SPOCK3: variants seen among roughly 807,000 people sequenced by gnomAD.
SPOCK3 encodes the protein SPARC (osteonectin), cwcv and kazal like domains proteoglycan 3.
Under a neutral mutation model 56.6 loss-of-function variants are expected in SPOCK3, and 30 were observed. The ratio of observed to expected loss-of-function variants is 0.53; its 90% CI spans 0.40 to 0.72. SPOCK3 has a LOEUF of 0.72. Among genes scored for constraint, SPOCK3 ranks in the 30% least tolerant of loss-of-function variants. The probability of loss-of-function intolerance (pLI) is 0.00; values close to 1 mark genes in which losing one functional copy is unlikely to be tolerated. For missense variants in SPOCK3, 527 were observed against 530.0 expected (o/e 0.99, Z 0.06); for synonymous variants, 196 against 183.3 (o/e 1.07, Z -0.56).
intron 2 of SPOCK3, among the ~76,000 whole-genome samples, chr4:167,081,651 G>A (rs945855346): frequency 1.3e-5 from 2 of 152,034 alleles, no homozygotes; most frequent in African/African-American, 4.8e-5. Context: ...TGGGAACTCT[G>A]TGAATGACTA....
At chr4:167,102,185 T>C (rs1450350187) in intron 2 of SPOCK3, among the ~76,000 whole-genome samples, 1 of 152,084 alleles carries the variant, frequency 6.6e-6, no homozygotes, top group South Asian at 2.1e-4. Context: ...GGTAACAAGA[T>C]AGATTACAGG....
rs1471693154 is a variant in SPOCK3 at position 166,785,500 on chromosome 4, A to G, written c.709+6670T>C. ...ACAATTTGGTTGATTAAAATCTCAG[A>G]TTACTATCATAATGTGTTTAAGAGT... On this transcript the variant is annotated intron_variant, in intron 7 of 10. Coordinates refer to ENST00000357545, the MANE Select transcript of SPOCK3 (RefSeq NM_001040159.2). Among the ~76,000 whole-genome samples, 3 of 152,130 alleles carry G rather than the reference A, an allele frequency of 2.0e-5. No homozygotes were observed. The East Asian group carries it at 5.8e-4, about 29-fold the overall frequency.
intron 6 of SPOCK3, among the ~76,000 whole-genome samples, chr4:166,813,709 T>C (rs960026806): frequency 1.3e-5 from 2 of 151,950 alleles, no homozygotes. Context: ...AGTAAGTTTA[T>C]GGAAATTGCA....
At position 166,914,065 on chromosome 4, in the gene SPOCK3, TAA is replaced by T. The variant is rs35475092; in HGVS notation, c.351-1324_351-1323del. 3.3e-4 allele frequency among the ~76,000 whole-genome samples: 48 copies of T among 147,392 alleles called. No individual in the cohort carries two copies. In the South Asian group the frequency reaches 8.7e-3, roughly 27 times the overall value. On this transcript the variant is annotated intron_variant, in intron 4 of 10. Coordinates refer to ENST00000357545, the MANE Select transcript of SPOCK3 (RefSeq NM_001040159.2). ...TTACGAAAATGTAGCAGATACAAAT[TAA>T]AAAAAAAAAACCATTCTACTTGCAC... is the stretch of plus-strand genomic sequence containing the variant.
intron 6 of SPOCK3, among the ~76,000 whole-genome samples, chr4:166,817,345 A>C (rs1744480671): frequency 6.6e-6 from 1 of 151,994 alleles, no homozygotes; most frequent in South Asian, 2.1e-4. Context: ...TTTTACTCTC[A>C]AGGGAGACAC....
In SPOCK3 at chr4:167,000,093, T is replaced by A. The variant is rs551286041; in HGVS notation, c.350+256A>T. 2.0e-5 allele frequency among the ~76,000 whole-genome samples: 3 copies of A among 152,280 alleles called. No individual in the cohort carries two copies. In the South Asian group the frequency reaches 6.2e-4, roughly 32 times the overall value. ...TTGAAAAAGCACAAACAACTAGATATAACATTTTAAATATCATCTTTATAA... is the reference window on the plus strand; with the variant it reads ...TTGAAAAAGCACAAACAACTAGATAAAACATTTTAAATATCATCTTTATAA... On this transcript the variant is annotated intron_variant, in intron 4 of 10. Transcript: ENST00000357545.
intron 7 of SPOCK3, among the ~76,000 whole-genome samples, chr4:166,770,034 A>G (rs1390803174): frequency 6.6e-6 from 1 of 152,068 alleles, no homozygotes; most frequent in Non-Finnish European, 1.5e-5. Context: ...AAGACCGTTG[A>G]AAAAGCACAG....
intron 2 of SPOCK3, among the ~76,000 whole-genome samples, chr4:167,133,499 G>A (rs1337159907): frequency 2.0e-5 from 3 of 152,170 alleles, no homozygotes; most frequent in African/African-American, 7.2e-5. Flanking sequence ...TGAATGCACT[G>A]TCCAGCATTC....
intron 3 of SPOCK3, among the ~76,000 whole-genome samples, chr4:167,003,974 A>G (rs1479027067): frequency 2.6e-5 from 4 of 152,018 alleles, no homozygotes; most frequent in Non-Finnish European, 4.4e-5. Flanking sequence ...CTTCATTCAC[A>G]TTTGTTTTTG....
chr4:167,015,419 A>C (rs1447040287), intron 3 of SPOCK3, among the ~76,000 whole-genome samples: 1 of 152,152 alleles, frequency 6.6e-6, no homozygotes, highest in Non-Finnish European at 1.5e-5. Flanking sequence ...ATTATCTTTA[A>C]TTTTGCATAG....
intron 7 of SPOCK3, among the ~76,000 whole-genome samples, chr4:166,769,273 G>A (rs554405346): frequency 2.5e-4 from 38 of 152,138 alleles, no homozygotes; most frequent in Non-Finnish European, 5.0e-4. Flanking sequence ...CTGATTTTTA[G>A]TATTTTCAGC....
chr4:166,841,841 C>T (rs994068535), intron 6 of SPOCK3, among the ~76,000 whole-genome samples: 7 of 152,136 alleles, frequency 4.6e-5, no homozygotes, highest in Non-Finnish European at 7.3e-5. Context: ...TGTCTAAAAT[C>T]GTTGGGTTCT....
In SPOCK3 at chr4:167,159,125, G is replaced by A. The variant is rs116781698; in HGVS notation, c.189+74860C>T. Among the ~76,000 whole-genome samples the A allele has an allele frequency of 9.6e-3, 1,459 of 151,928 alleles. 19 individuals carry two copies. Among genetic ancestry groups the A allele is most frequent in the African/African-American group, 0.033 (1,359 of 41,482 alleles). On this transcript the variant is annotated intron_variant, in intron 2 of 10. Transcript: ENST00000357545. Reference sequence around the variant, plus strand: ...TGGTGTGAATCCTTTATAATCTGAGGTAAGTTGTTTAACCTAATTAAGCTT... The same window carrying A: ...TGGTGTGAATCCTTTATAATCTGAGATAAGTTGTTTAACCTAATTAAGCTT...
intron 4 of SPOCK3, among the ~76,000 whole-genome samples, chr4:166,996,963 T>A (rs1007008597): frequency 5.3e-5 from 8 of 152,188 alleles, no homozygotes; most frequent in African/African-American, 1.7e-4. Context: ...GTTACATCCC[T>A]CATTTCATGT....
At chr4:167,202,592 T>C (rs1733622043) in intron 2 of SPOCK3, among the ~76,000 whole-genome samples, 1 of 151,964 alleles carries the variant, frequency 6.6e-6, no homozygotes, top group Non-Finnish European at 1.5e-5. Context: ...AAATTAACTG[T>C]TATAATTCTC....
chr4:166,737,389 C>T (rs955134530), intron 10 of SPOCK3, 78 bp downstream of exon 10: 12 of 1,456,342 alleles, frequency 8.2e-6, no homozygotes, highest in Middle Eastern at 1.8e-4. Flanking sequence ...TCATTAAATG[C>T]TTGAACAAAT....
chr4:167,022,856 A>AT (rs1379124114), intron 3 of SPOCK3, among the ~76,000 whole-genome samples: 1 of 151,994 alleles, frequency 6.6e-6, no homozygotes, highest in African/African-American at 2.4e-5. Flanking sequence ...GAAGTCAGTG[A>AT]GAGAGATATG....
chr4:166,895,759 C>A, intron 5 of SPOCK3, among the ~76,000 whole-genome samples: 1 of 152,058 alleles, frequency 6.6e-6, no homozygotes, highest in Non-Finnish European at 1.5e-5. Context: ...CAATGGTCAC[C>A]AAACTGTTTT....
intron 2 of SPOCK3, among the ~76,000 whole-genome samples, chr4:167,148,599 T>C (rs377326675): frequency 6.6e-6 from 1 of 152,180 alleles, no homozygotes; most frequent in African/African-American, 2.4e-5. Context: ...ATTTCTGTTA[T>C]AACTGATATC....
Sources: gnomAD v4.1 joint callset for allele counts (sites outside exome capture counted in the v4.1 genomes callset) on GRCh38, gnomAD v4.1.1 for gene constraint, MANE v1.5 for transcripts, NCBI Gene and HGNC (gene_info 2026-07-23, HGNC 2026-07-21) for gene names.